CPNE2: variants seen among roughly 807,000 people sequenced by gnomAD.
CPNE2 encodes copine 2, also known as copine-2.
In CPNE2, 42 loss-of-function variants were observed where a neutral mutation model predicts 69.7. The observed-to-expected ratio is 0.60, with a 90% confidence interval of 0.47 to 0.78. The LOEUF is 0.78. CPNE2 is among the 30% of genes least tolerant of loss of function. CPNE2 has a pLI of 0.00. For missense variants in CPNE2, 587 were observed against 732.0 expected, an observed-to-expected ratio of 0.80 and a Z score of 2.29; for synonymous variants, 294 against 289.8, an observed-to-expected ratio of 1.01 and a Z score of -0.15.
In CPNE2 at chr16:57,116,529, G is replaced by T. The variant is rs189997409; in HGVS notation, c.436-967G>T. Among the ~76,000 whole-genome samples the T allele has an allele frequency of 2.4e-4, 37 of 152,280 alleles. 1 individual carries two copies. The East Asian group carries it at 6.9e-3, about 29-fold the overall frequency. On this transcript the variant is annotated intron_variant, in intron 4 of 15. Coordinates refer to ENST00000290776, the MANE Select transcript of CPNE2 (RefSeq NM_152727.6). Reference sequence around the variant, plus strand: ...ATCATGCTACTGCCCTCCAGCCTGGGCAAGAGAGTGAAACCCCATCTCTGA... The same window carrying T: ...ATCATGCTACTGCCCTCCAGCCTGGTCAAGAGAGTGAAACCCCATCTCTGA...
chr16:57,117,692 G>T (rs556789922), intron 5 of CPNE2, 125 bp downstream of exon 5: 5 of 1,089,468 alleles, frequency 4.6e-6, no homozygotes, highest in East Asian at 2.6e-5. Context: ...GGTCCAGCAC[G>T]GGGCCCTCCT....
intron 15 of CPNE2, 92 bp from the exon 16 acceptor site, chr16:57,147,459 G>GT: frequency 1.1e-6 from 1 of 898,114 alleles, no homozygotes. Context: ...GACACCTGCT[G>GT]TAGCAGCCCT....
At chr16:57,108,266 A>T (rs1245441923) in intron 1 of CPNE2, among the ~76,000 whole-genome samples, 5 of 152,342 alleles carry the variant, frequency 3.3e-5, no homozygotes, top group East Asian at 1.9e-4. Flanking sequence ...TGAAAGCCTC[A>T]GTTTCCTCCT....
intron 10 of CPNE2, chr16:57,124,140 G>A (rs1475478907): frequency 4.6e-6 from 1 of 219,086 alleles, no homozygotes; most frequent in Non-Finnish European, 9.6e-6. Context: ...AGAGTGCAGT[G>A]GCACGATCTC....
chr16:57,127,684 G>C (rs532644124), intron 11 of CPNE2, among the ~76,000 whole-genome samples, 165 bp from the exon 12 acceptor site: 1 of 152,214 alleles, frequency 6.6e-6, no homozygotes, highest in African/African-American at 2.4e-5. Context: ...CCAGAGGTGG[G>C]TTGGGCTCAT....
rs566055788 is a variant in CPNE2, at chr16:57,115,335, G to A, written c.361-141G>A. 452 of 641,844 alleles carry A rather than the reference G, an allele frequency of 7.0e-4. 2 individuals carry two copies. The African/African-American group carries it at 7.1e-3, about 10-fold the overall frequency. The allele number at this position is 641,844 out of a possible 1,614,324, so 39.8% of individuals were successfully genotyped here. ...GCTGCTGTCCACCTCCCAGGGTGAT[G>A]ATGATGCTCAGGCGGGTCACCAGCC... On this transcript the variant is annotated intron_variant, in intron 3 of 15. Transcript: ENST00000290776.
intron 14 of CPNE2, chr16:57,143,721 G>T (rs945710425): frequency 1.4e-4 from 22 of 152,660 alleles, no homozygotes; most frequent in African/African-American, 5.1e-4. Flanking sequence ...CCACAGTCCT[G>T]CAGGAACCTG....
chr16:57,098,265 G>A (rs928845376), intron 1 of CPNE2, among the ~76,000 whole-genome samples: 1 of 152,250 alleles, frequency 6.6e-6, no homozygotes, highest in African/African-American at 2.4e-5. Flanking sequence ...GTCTGCATCT[G>A]TATTTATCCC....
intron 1 of CPNE2, among the ~76,000 whole-genome samples, chr16:57,110,265 T>C (rs1467650617): frequency 6.8e-6 from 1 of 146,564 alleles, no homozygotes; most frequent in Non-Finnish European, 1.5e-5. Context: ...TTCTGTCGCC[T>C]AGGCTGGAGT....
At chr16:57,126,426 A>T (rs937892391) in intron 11 of CPNE2, among the ~76,000 whole-genome samples, 1 of 150,760 alleles carries the variant, frequency 6.6e-6, no homozygotes, top group South Asian at 2.1e-4. Context: ...TCTCGCTTCT[A>T]TTGGGAACTT....
At chr16:57,135,780 G>A (rs1389393769) in intron 13 of CPNE2, among the ~76,000 whole-genome samples, 2 of 151,246 alleles carry the variant, frequency 1.3e-5, no homozygotes, top group African/African-American at 4.9e-5. Flanking sequence ...AAGCTGAGGC[G>A]GGAGAATCGC....
chr16:57,126,419 C>T (rs1342946742), intron 11 of CPNE2, among the ~76,000 whole-genome samples: 2 of 152,194 alleles, frequency 1.3e-5, no homozygotes, highest in East Asian at 1.9e-4. Context: ...CTAATGGTCT[C>T]GCTTCTATTG....
chr16:57,093,531 TC>T (rs1176405536), intron 1 of CPNE2, among the ~76,000 whole-genome samples: 1 of 151,502 alleles, frequency 6.6e-6, no homozygotes, highest in East Asian at 1.9e-4. Context: ...TCGCTCCACG[TC>T]CCCCCGAGTT....
At chr16:57,104,467 A>G (rs1430470799) in intron 1 of CPNE2, among the ~76,000 whole-genome samples, 1 of 152,116 alleles carries the variant, frequency 6.6e-6, no homozygotes, top group Non-Finnish European at 1.5e-5. Context: ...CTCAGACCCT[A>G]GGGTTTGAGA....
At chr16:57,127,132 A>C (rs1368251129) in intron 11 of CPNE2, among the ~76,000 whole-genome samples, 8 of 152,236 alleles carry the variant, frequency 5.3e-5, no homozygotes, top group Admixed American at 3.9e-4. Flanking sequence ...ACCAGTTTAC[A>C]TGTGAAGCAG....
intron 1 of CPNE2, among the ~76,000 whole-genome samples, chr16:57,095,407 G>A (rs1423970072): frequency 6.6e-6 from 1 of 152,196 alleles, no homozygotes; most frequent in African/African-American, 2.4e-5. Flanking sequence ...TCACTCCCAT[G>A]GCAGAGTCAA....
chr16:57,094,085 G>A (rs1280892099), intron 1 of CPNE2: 1 of 456,702 alleles, frequency 2.2e-6, no homozygotes, highest in Admixed American at 2.3e-5. Flanking sequence ...GCCTGGCATA[G>A]GTCCAGGTGA....
At chr16:57,120,270 CAA>C (rs201770187) in intron 7 of CPNE2, among the ~76,000 whole-genome samples, 21 of 118,870 alleles carry the variant, frequency 1.8e-4, no homozygotes, top group Admixed American at 1.8e-4. Context: ...GATTCTGTCT[CAA>C]AAAAAAAAAA....
intron 10 of CPNE2, chr16:57,124,536 G>T: frequency 2.8e-6 from 1 of 356,160 alleles, no homozygotes; most frequent in Admixed American, 3.3e-5. Flanking sequence ...ATATCACACA[G>T]TAACTGGCAC....
Sources: allele counts gnomAD v4.1 joint callset (sites outside exome capture counted in the v4.1 genomes callset), GRCh38; gene constraint gnomAD v4.1.1; transcripts MANE v1.5; gene names NCBI Gene and HGNC (gene_info 2026-07-23, HGNC 2026-07-21).